Variants in DGKG observed in about 807,000 individuals in gnomAD.
DGKG encodes diacylglycerol kinase gamma, also known as DAG kinase gamma.
Under a neutral mutation model 105.3 loss-of-function variants are expected in DGKG, and 78 were observed. The observed-to-expected ratio is 0.74, with a 90% CI of 0.62 to 0.89. The LOEUF is 0.89. DGKG is among the 40% of genes least tolerant of loss of function. The probability of loss-of-function intolerance (pLI) is 0.00; values close to 1 mark genes in which losing one functional copy is unlikely to be tolerated. For synonymous variants in DGKG, 346 were observed against 367.1 expected (o/e 0.94, Z 0.66); for missense variants, 958 against 1,020.1 (o/e 0.94, Z 0.83).
intron 22 of DGKG, among the ~76,000 whole-genome samples, chr3:186,173,764 C>T (rs936148783): frequency 3.3e-5 from 5 of 152,320 alleles, no homozygotes; most frequent in East Asian, 3.9e-4. Flanking sequence ...GGTGGGGAAA[C>T]GGAAAGAATC....
At chr3:186,244,257 G>A (rs570946989) in intron 19 of DGKG, among the ~76,000 whole-genome samples, 21 of 152,278 alleles carry the variant, frequency 1.4e-4, no homozygotes, top group African/African-American at 4.8e-4. Flanking sequence ...TGAACTCTGT[G>A]TGGTGAGGTG....
intron 1 of DGKG, among the ~76,000 whole-genome samples, chr3:186,343,439 C>T (rs539834839): frequency 6.6e-6 from 1 of 152,188 alleles, no homozygotes; most frequent in Non-Finnish European, 1.5e-5. Flanking sequence ...CACAGATGCG[C>T]ACCACCATGC....
chr3:186,178,957 T>C (rs1369251207), intron 22 of DGKG, among the ~76,000 whole-genome samples: 1 of 152,210 alleles, frequency 6.6e-6, no homozygotes, highest in Non-Finnish European at 1.5e-5. Flanking sequence ...AAATTTATTC[T>C]TGATATTCTT....
At chr3:186,212,856 T>C (rs1435031752) in intron 20 of DGKG, among the ~76,000 whole-genome samples, 1 of 152,220 alleles carries the variant, frequency 6.6e-6, no homozygotes, top group African/African-American at 2.4e-5. Context: ...ATCACATTCT[T>C]CTTGGCACTC....
intron 22 of DGKG, among the ~76,000 whole-genome samples, chr3:186,173,828 G>A (rs1018179177): frequency 6.6e-6 from 1 of 152,252 alleles, no homozygotes. Flanking sequence ...GGTTCCCCAG[G>A]AACAAACGAG....
intron 2 of DGKG, among the ~76,000 whole-genome samples, chr3:186,316,533 C>T (rs991748561): frequency 6.6e-6 from 1 of 152,180 alleles, no homozygotes; most frequent in Admixed American, 6.5e-5. Context: ...CTTAATATCA[C>T]ATTAGCTCTT....
chr3:186,199,858 A>G (rs558109121), intron 21 of DGKG, among the ~76,000 whole-genome samples: 2 of 152,242 alleles, frequency 1.3e-5, no homozygotes, highest in South Asian at 2.1e-4. Flanking sequence ...ACTCGGTGAC[A>G]CTAAGGAAGG....
At chr3:186,315,738 G>C (rs1033237716) in intron 2 of DGKG, among the ~76,000 whole-genome samples, 1 of 152,096 alleles carries the variant, frequency 6.6e-6, no homozygotes, top group South Asian at 2.1e-4. Context: ...AATGACTCAT[G>C]ATCGATATTG....
In DGKG at chr3:186,147,557, A is replaced by G. The variant is rs537772950; in HGVS notation, c.*2533T>C. On this transcript the variant is annotated 3_prime_UTR_variant, in exon 25 of 25. Transcript: ENST00000265022. ...CAAACTGGAAGTGCAATTCCACTGA[A>G]GTTGTTATACTCCATGCCTCTAAGA... The G allele has an allele frequency of 1.0e-6, 1 of 985,388 alleles. No individual in the cohort carries two copies. Among genetic ancestry groups the G allele is most frequent in the African/African-American group, 1.7e-5 (1 of 57,346 alleles). 61.0% of individuals were successfully genotyped at this position (985,388 alleles called of 1,614,324 possible). A position where few individuals can be genotyped will look rare whatever the true frequency, so the allele number is the denominator to read the frequency against.
intron 17 of DGKG, among the ~76,000 whole-genome samples, chr3:186,257,055 C>T (rs1303607498): frequency 6.6e-6 from 1 of 152,220 alleles, no homozygotes; most frequent in South Asian, 2.1e-4. Flanking sequence ...GAGCTTGACA[C>T]ATCATGGAGC....
intron 3 of DGKG, chr3:186,306,604 G>C (rs1165936720): frequency 3.1e-6 from 1 of 325,678 alleles, no homozygotes; most frequent in African/African-American, 2.1e-5. Context: ...GATCTGTTCT[G>C]TTTGTTCTAT....
chr3:186,340,949 A>C (rs1476714290), intron 1 of DGKG, among the ~76,000 whole-genome samples: 1 of 152,188 alleles, frequency 6.6e-6, no homozygotes, highest in African/African-American at 2.4e-5. Context: ...CTCTGGTCTC[A>C]TAACTATCTT....
chr3:186,272,926 A>G (rs1380527987), intron 10 of DGKG, among the ~76,000 whole-genome samples: 2 of 152,012 alleles, frequency 1.3e-5, no homozygotes, highest in East Asian at 1.9e-4. Flanking sequence ...ATGGGGTTTC[A>G]CCATGTTAGC....
chr3:186,206,741 G>C (rs1422385702), intron 21 of DGKG, among the ~76,000 whole-genome samples: 1 of 151,524 alleles, frequency 6.6e-6, no homozygotes, highest in African/African-American at 2.4e-5. Flanking sequence ...GGACATGCTG[G>C]CTTCTTTTTT....
At chr3:186,261,553 A>T in intron 15 of DGKG, 146 bp downstream of exon 15, 1 of 683,414 alleles carries the variant, frequency 1.5e-6, no homozygotes, top group Admixed American at 2.2e-5. Context: ...ACATTAAGTC[A>T]CTTGGGCCAG....
intron 22 of DGKG, among the ~76,000 whole-genome samples, chr3:186,179,817 G>A (rs1457860864): frequency 2.6e-5 from 4 of 152,174 alleles, no homozygotes; most frequent in Admixed American, 1.3e-4. Flanking sequence ...GAGAATTGGA[G>A]GCCGACCTCC....
intron 1 of DGKG, among the ~76,000 whole-genome samples, chr3:186,332,037 T>C (rs1359225194): frequency 6.6e-6 from 1 of 152,116 alleles, no homozygotes; most frequent in Non-Finnish European, 1.5e-5. Context: ...GTAACATCTT[T>C]GGATGAATGA....
At chr3:186,325,378 T>C (rs748262439) in intron 1 of DGKG, among the ~76,000 whole-genome samples, 3 of 152,312 alleles carry the variant, frequency 2.0e-5, no homozygotes, top group South Asian at 2.1e-4. Flanking sequence ...AACTTGCCCC[T>C]GTACCCCCTG....
chr3:186,190,581 C>T (rs903109509), intron 21 of DGKG, among the ~76,000 whole-genome samples: 5 of 152,212 alleles, frequency 3.3e-5, no homozygotes, highest in Non-Finnish European at 7.3e-5. Context: ...ATCACTTCAG[C>T]TTAAATGGGT....
Sources: gnomAD v4.1 joint callset for allele counts (sites outside exome capture counted in the v4.1 genomes callset) on GRCh38, gnomAD v4.1.1 for gene constraint, MANE v1.5 for transcripts, NCBI Gene and HGNC (gene_info 2026-07-23, HGNC 2026-07-21) for gene names.